CADPS: variants seen among roughly 807,000 people sequenced by gnomAD.
CADPS encodes calcium-dependent secretion activator 1.
A neutral mutation model predicts 167.3 loss-of-function variants in CADPS; 57 were observed. The observed-to-expected ratio is 0.34, with a 90% CI of 0.28 to 0.42. The LOEUF is 0.42. Ranked by LOEUF, CADPS falls within the 20% of genes least tolerant of loss-of-function variation. The pLI is 1.00. For synonymous variants in CADPS, 676 were observed against 635.3 expected (o/e 1.06, Z -0.96); for missense variants, 1,414 against 1,738.1 (o/e 0.81, Z 3.32).
intron 3 of CADPS, among the ~76,000 whole-genome samples, chr3:62,673,670 A>C (rs9813072): frequency 0.051 from 7,695 of 152,290 alleles, 642 homozygotes; most frequent in African/African-American, 0.17. Flanking sequence ...CATATATTTA[A>C]ATAATTATTT....
Position 62,459,472 on chromosome 3 carries a change from T to C in CADPS, c.3636+5895A>G, listed in dbSNP as rs569242844. Among the ~76,000 whole-genome samples, 9 of 152,324 alleles carry C rather than the reference T, an allele frequency of 5.9e-5. No homozygotes were observed. In the East Asian group the frequency reaches 1.7e-3, roughly 29 times the overall value. The stretch of plus-strand genomic sequence containing the variant: ...CTGGCCTGGCCTTTCACAAGGAACG[T>C]CTAGTTCCTAAAATTTACTAGATCT... On this transcript the variant is annotated intron_variant, in intron 26 of 29. Coordinates refer to ENST00000383710, the MANE Select transcript of CADPS (RefSeq NM_003716.4).
In CADPS at chr3:62,702,107, C is replaced by T. The variant is rs187286446; in HGVS notation, c.889-39713G>A. On this transcript the variant is annotated intron_variant, in intron 3 of 29. Transcript: ENST00000383710. ...ATGCTACCATATCCTCGCCTTTTCC[C>T]CTCTAGTCTGCTTTTCCCTTTTAAA... Among the ~76,000 whole-genome samples, 46 of 152,190 alleles carry T rather than the reference C, an allele frequency of 3.0e-4. No homozygotes were observed. The East Asian group carries it at 8.5e-3, about 28-fold the overall frequency.
intron 26 of CADPS, among the ~76,000 whole-genome samples, chr3:62,457,165 C>T (rs1275779180): frequency 1.3e-5 from 2 of 152,164 alleles, no homozygotes; most frequent in Admixed American, 6.5e-5. Context: ...ACAATAATAA[C>T]AATGTCTAAC....
At position 62,594,157 on chromosome 3, in the gene CADPS, T is replaced by TTTA. The variant is rs1562618158; in HGVS notation, c.1326-1410_1326-1409insTAA. 5.1e-5 allele frequency among the ~76,000 whole-genome samples: 7 copies of TTTA among 136,418 alleles called. No homozygotes were observed. The South Asian group carries it at 1.0e-3, about 20-fold the overall frequency. 89.5% of individuals were successfully genotyped at this position (136,418 alleles called of 152,430 possible). A position where few individuals can be genotyped will look rare whatever the true frequency, so the allele number is the denominator to read the frequency against. Reference sequence around the variant, plus strand: ...TTTTTTTATTTATTTTTTTTATTTTTTTTATTTATTTATTTATTTTTTGAG... The same window carrying TTTA: ...TTTTTTTATTTATTTTTTTTATTTTTTTATTTATTTATTTATTTATTTTTTGAG... On this transcript the variant is annotated intron_variant, in intron 6 of 29. Transcript: ENST00000383710.
At chr3:62,642,347 A>C (rs2149990646) in intron 6 of CADPS, among the ~76,000 whole-genome samples, 1 of 152,334 alleles carries the variant, frequency 6.6e-6, no homozygotes, top group Non-Finnish European at 1.5e-5. Context: ...GAAAAGGGCT[A>C]AGCTTGTCAG....
At chr3:62,581,111 AAAG>A (rs930263535) in intron 8 of CADPS, among the ~76,000 whole-genome samples, 13 of 152,312 alleles carry the variant, frequency 8.5e-5, no homozygotes, top group Admixed American at 2.0e-4. Flanking sequence ...TAACTGGTGT[AAAG>A]AAGAAGTTTC....
At chr3:62,585,083 C>T in intron 8 of CADPS, 102 bp downstream of exon 8, 1 of 1,088,938 alleles carries the variant, frequency 9.2e-7, no homozygotes, top group South Asian at 1.5e-5. Context: ...TTTATATTTC[C>T]TTCTACATAG....
At chr3:62,488,582 T>C (rs1242767551) in intron 21 of CADPS, among the ~76,000 whole-genome samples, 1 of 152,106 alleles carries the variant, frequency 6.6e-6, no homozygotes, top group African/African-American at 2.4e-5. Context: ...AACCTTGAAC[T>C]CCTGGGCTCA....
chr3:62,680,309 T>C (rs565193647), intron 3 of CADPS, among the ~76,000 whole-genome samples: 2 of 152,020 alleles, frequency 1.3e-5, no homozygotes, highest in Non-Finnish European at 2.9e-5. Flanking sequence ...GTCTTCCTCT[T>C]TGGGCTGGTA....
chr3:62,730,250 C>A (rs1480926612), intron 3 of CADPS, among the ~76,000 whole-genome samples: 1 of 152,180 alleles, frequency 6.6e-6, no homozygotes. Context: ...GATTTAGCCC[C>A]TCCCACATCT....
intron 1 of CADPS, among the ~76,000 whole-genome samples, chr3:62,770,832 T>C (rs2088492696): frequency 6.6e-6 from 1 of 152,202 alleles, no homozygotes; most frequent in African/African-American, 2.4e-5. Flanking sequence ...CCCAAAGTCA[T>C]TGCTCCCTCC....
chr3:62,642,703 G>A (rs553359200), intron 6 of CADPS, among the ~76,000 whole-genome samples: 42 of 152,208 alleles, frequency 2.8e-4, no homozygotes, highest in Non-Finnish European at 5.6e-4. Context: ...GAGCCCAAGA[G>A]TTCGAGACCA....
At chr3:62,732,312 G>A (rs554861192) in intron 3 of CADPS, among the ~76,000 whole-genome samples, 1 of 152,312 alleles carries the variant, frequency 6.6e-6, no homozygotes, top group East Asian at 1.9e-4. Flanking sequence ...GGTACAAGCT[G>A]TCAAGCTGGA....
Position 62,847,281 on chromosome 3 carries a change from CTTTT to C in CADPS, c.441+27304_441+27307del, listed in dbSNP as rs111771617. On this transcript the variant is annotated intron_variant, in intron 1 of 29. Coordinates refer to ENST00000383710, the MANE Select transcript of CADPS (RefSeq NM_003716.4). ...ATTTTCTTTTTTTTTTTTTTTTTAA[CTTTT>C]TTTTTTTTATACTTTAAGTTTTAGG... Among the ~76,000 whole-genome samples the C allele has an allele frequency of 8.4e-5, 10 of 119,492 alleles. No individual in the cohort carries two copies. In the East Asian group the frequency reaches 1.5e-3, roughly 18 times the overall value. 78.4% of individuals were successfully genotyped at this position (119,492 alleles called of 152,430 possible).
At chr3:62,619,902 T>C (rs547621015) in intron 6 of CADPS, among the ~76,000 whole-genome samples, 2 of 152,242 alleles carry the variant, frequency 1.3e-5, no homozygotes, top group East Asian at 1.9e-4. Flanking sequence ...ATATTATTAT[T>C]TGTGGACAGA....
chr3:62,741,849 T>C (rs1316811791), intron 3 of CADPS, among the ~76,000 whole-genome samples: 1 of 152,178 alleles, frequency 6.6e-6, no homozygotes, highest in South Asian at 2.1e-4. Context: ...TGTTTGCAGA[T>C]GACATGATCC....
At chr3:62,618,310 C>G (rs1218044098) in intron 6 of CADPS, among the ~76,000 whole-genome samples, 1 of 151,932 alleles carries the variant, frequency 6.6e-6, no homozygotes, top group Non-Finnish European at 1.5e-5. Context: ...CCAGTCATGC[C>G]TATAGCCCTA....
intron 2 of CADPS, among the ~76,000 whole-genome samples, chr3:62,762,243 T>C (rs1299880225): frequency 2.6e-5 from 4 of 152,058 alleles, no homozygotes; most frequent in Non-Finnish European, 5.9e-5. Flanking sequence ...AGATACAAAA[T>C]ATAAAAAATA....
At chr3:62,719,713 G>C (rs1176124178) in intron 3 of CADPS, among the ~76,000 whole-genome samples, 1 of 152,204 alleles carries the variant, frequency 6.6e-6, no homozygotes, top group East Asian at 1.9e-4. Context: ...ATTGCCTAAG[G>C]AAAGGCTCAT....
Sources: gnomAD v4.1 joint callset for allele counts (sites outside exome capture counted in the v4.1 genomes callset) on GRCh38, gnomAD v4.1.1 for gene constraint, MANE v1.5 for transcripts, NCBI Gene and HGNC (gene_info 2026-07-23, HGNC 2026-07-21) for gene names.